The following PEAK1 variants were observed in gnomAD, a reference collection of about 807,000 sequenced individuals.
PEAK1 encodes the protein pseudopodium enriched atypical kinase 1.
In PEAK1, 54 loss-of-function variants were observed where a neutral mutation model predicts 124.7. That is an observed-to-expected ratio of 0.43 (90% confidence interval 0.35 to 0.54). PEAK1 has a LOEUF of 0.54. Among genes scored for constraint, PEAK1 ranks in the 20% least tolerant of loss-of-function variants. The pLI is 0.01. For synonymous variants in PEAK1, 719 were observed against 760.0 expected (o/e 0.95, Z 0.89); for missense variants, 2,046 against 2,134.5 (o/e 0.96, Z 0.82).
At chr15:77,115,378 CAG>C (rs759654686) in intron 9 of PEAK1, 59 bp from the exon 10 acceptor site, 60 of 1,465,006 alleles carry the variant, frequency 4.1e-5, no homozygotes, top group Non-Finnish European at 5.0e-5. Flanking sequence ...TATGATGTAT[CAG>C]GGAAGATTAA....
In PEAK1 at chr15:77,158,530, G is replaced by A. The variant is rs772637805; in HGVS notation, c.3304C>T (p.Pro1102Ser). The A allele has an allele frequency of 5.0e-6, 8 of 1,614,102 alleles. No individual in the cohort carries two copies. Among genetic ancestry groups the A allele is most frequent in the Non-Finnish European group, 6.8e-6 (8 of 1,179,966 alleles). Residue 1102 changes from proline to serine, a missense_variant, in exon 8 of 10, where the codon CCT (proline) becomes TCT (serine). Physicochemically the swap from Pro to Ser is moderately conservative, Grantham distance 74. Coordinates refer to ENST00000682557, the MANE Select transcript of PEAK1 (RefSeq NM_001385026.1). Reference protein sequence around the residue: ...EDISDPMDPNPCSATYSNLGQ... With the variant: ...EDISDPMDPNSCSATYSNLGQ... ...AAGTTGCTGTATGTTGCACTACAAGGGTTCGGGTCCATAGGATCTGAAATG... is the reference window on the plus strand; with the variant it reads ...AAGTTGCTGTATGTTGCACTACAAGAGTTCGGGTCCATAGGATCTGAAATG...
intron 5 of PEAK1, among the ~76,000 whole-genome samples, chr15:77,266,760 A>G (rs2061756228): frequency 6.6e-6 from 1 of 152,194 alleles, no homozygotes; most frequent in African/African-American, 2.4e-5. Context: ...CAGCATGTAG[A>G]GACCCACATC....
intron 2 of PEAK1, among the ~76,000 whole-genome samples, chr15:77,322,851 T>A (rs1356234664): frequency 1.3e-5 from 2 of 152,180 alleles, no homozygotes; most frequent in Non-Finnish European, 2.9e-5. Flanking sequence ...TTTAGACCAA[T>A]ATCCCTGATG....
At chr15:77,272,110 A>T (rs1028434810) in intron 5 of PEAK1, among the ~76,000 whole-genome samples, 1 of 152,164 alleles carries the variant, frequency 6.6e-6, no homozygotes, top group Non-Finnish European at 1.5e-5. Context: ...TGGGATAAGC[A>T]AAGGCAGTGC....
chr15:77,159,520 C>G (rs921316133), intron 7 of PEAK1, among the ~76,000 whole-genome samples: 1 of 152,138 alleles, frequency 6.6e-6, no homozygotes, highest in African/African-American at 2.4e-5. Flanking sequence ...TAGAAAATCT[C>G]AATGGACTGG....
chr15:77,283,999 T>C lies in PEAK1; in HGVS notation c.-391A>G. The C allele has an allele frequency of 2.0e-6, 2 of 985,010 alleles. No homozygotes were observed. Among genetic ancestry groups the C allele is most frequent in the Non-Finnish European group, 2.4e-6 (2 of 829,542 alleles). 61.0% of individuals were successfully genotyped at this position (985,010 alleles called of 1,614,324 possible). A position where few individuals can be genotyped will look rare whatever the true frequency, so the allele number is the denominator to read the frequency against. ...ATTGAATTCTCACTTTCTCACAAAA[T>C]GGTACTTCATTGAAGGATGTAATTA... On this transcript the variant is annotated 5_prime_UTR_variant, in exon 5 of 10. Coordinates refer to ENST00000682557, the MANE Select transcript of PEAK1 (RefSeq NM_001385026.1).
intron 5 of PEAK1, among the ~76,000 whole-genome samples, chr15:77,266,672 T>C (rs1304815506): frequency 6.6e-6 from 1 of 151,938 alleles, no homozygotes; most frequent in Non-Finnish European, 1.5e-5. Flanking sequence ...ATAACAGACA[T>C]AAGAATTATT....
chr15:77,221,589 T>C (rs912690555), intron 6 of PEAK1, among the ~76,000 whole-genome samples: 1 of 152,090 alleles, frequency 6.6e-6, no homozygotes, highest in Non-Finnish European at 1.5e-5. Context: ...ATATAGCTAA[T>C]AGGTTATCCT....
chr15:77,358,250 A>G (rs1352344590), intron 2 of PEAK1, among the ~76,000 whole-genome samples: 2 of 151,994 alleles, frequency 1.3e-5, no homozygotes, highest in African/African-American at 2.4e-5. Flanking sequence ...AGCCTCTCCT[A>G]TATTAAAAAG....
chr15:77,230,824 C>A (rs2059880813), intron 6 of PEAK1, among the ~76,000 whole-genome samples: 1 of 151,940 alleles, frequency 6.6e-6, no homozygotes, highest in Non-Finnish European at 1.5e-5. Flanking sequence ...CAGAGTGAGA[C>A]CCTGTCTCAA....
At chr15:77,312,699 C>T (rs1453253443) in intron 2 of PEAK1, among the ~76,000 whole-genome samples, 1 of 152,204 alleles carries the variant, frequency 6.6e-6, no homozygotes, top group Non-Finnish European at 1.5e-5. Flanking sequence ...TCATGATGAA[C>T]CTCCAGGCAT....
chr15:77,403,030 T>C, intron 1 of PEAK1: 1 of 985,256 alleles, frequency 1.0e-6, no homozygotes. Flanking sequence ...TAAGCAATGA[T>C]GAAATGTTGC....
chr15:77,250,148 T>C lies in PEAK1; in HGVS notation c.-115+2219A>G, dbSNP rs201057489. On this transcript the variant is annotated intron_variant, in intron 6 of 9. Coordinates refer to ENST00000682557, the MANE Select transcript of PEAK1 (RefSeq NM_001385026.1). ...TTTTAAAGAAATCACTGTTAAGATA[T>C]ATATATACATATATATACATATATA... Among the ~76,000 whole-genome samples the C allele has an allele frequency of 1.1e-4, 16 of 142,392 alleles. No homozygotes were observed. The East Asian group carries it at 3.3e-3, about 29-fold the overall frequency. The allele number at this position is 142,392 out of a possible 152,430, so 93.4% of individuals were successfully genotyped here. A position where few individuals can be genotyped will look rare whatever the true frequency, so the allele number is the denominator to read the frequency against.
rs755008125 is a variant in PEAK1, at chr15:77,114,204, G to A, written c.5193C>T (p.Ala1731=). Reference sequence around the variant, plus strand: ...CAATACAACTGAGGGAGTCTGTAGTGGCAAAAGCCAAATACTGAGCACAAA... The same window carrying A: ...CAATACAACTGAGGGAGTCTGTAGTAGCAAAAGCCAAATACTGAGCACAAA... ...DWLCAQYLAF[A]TTDSLSCIVK... is the part of the protein sequence containing the mutation. Residue 1731 remains alanine (A), a synonymous_variant, in exon 10 of 10, where the codon GCC becomes GCT. Transcript: ENST00000682557. 1.2e-6 allele frequency: 2 copies of A among 1,614,228 alleles called. No individual in the cohort carries two copies. The highest frequency in any genetic ancestry group is 1.7e-6 in the Non-Finnish European group (2 of 1,180,040).
At chr15:77,229,636 CTTTCT>C (rs202088723) in intron 6 of PEAK1, among the ~76,000 whole-genome samples, 3,266 of 150,404 alleles carry the variant, frequency 0.022, 68 homozygotes, top group Admixed American at 0.056. Context: ...TTAGCTGTTT[CTTTCT>C]TTTCTTTCTT....
At chr15:77,306,982 T>C (rs2064141319) in intron 2 of PEAK1, among the ~76,000 whole-genome samples, 1 of 152,170 alleles carries the variant, frequency 6.6e-6, no homozygotes, top group Admixed American at 6.5e-5. Flanking sequence ...AAAGGTTCCA[T>C]ATGTTTTACC....
chr15:77,157,013 TG>T (rs2055211251), intron 8 of PEAK1: 1 of 152,242 alleles, frequency 6.6e-6, no homozygotes, highest in Non-Finnish European at 1.5e-5. Flanking sequence ...GAACTTAGAA[TG>T]GAAGTCTTCT....
At chr15:77,249,521 C>T (rs952854520) in intron 6 of PEAK1, among the ~76,000 whole-genome samples, 3 of 152,132 alleles carry the variant, frequency 2.0e-5, no homozygotes, top group Non-Finnish European at 4.4e-5. Flanking sequence ...ATTCTCTCTT[C>T]AAAGTCACGG....
chr15:77,249,097 C>T (rs879402580), intron 6 of PEAK1, among the ~76,000 whole-genome samples: 6 of 152,054 alleles, frequency 3.9e-5, no homozygotes, highest in Non-Finnish European at 7.4e-5. Context: ...TGTTGGGTTA[C>T]AGGCGTGAGC....
Sources: gnomAD v4.1 joint callset for allele counts (sites outside exome capture counted in the v4.1 genomes callset) on GRCh38, gnomAD v4.1.1 for gene constraint, MANE v1.5 for transcripts, NCBI Gene and HGNC (gene_info 2026-07-23, HGNC 2026-07-21) for gene names.